KLHL1: variants seen among roughly 807,000 people sequenced by gnomAD.
KLHL1 encodes the protein kelch like family member 1, also known as kelch-like protein 1.
Under a neutral mutation model 77.7 loss-of-function variants are expected in KLHL1, and 47 were observed. That is an observed-to-expected ratio of 0.60 (90% CI 0.48 to 0.77). The LOEUF (loss-of-function observed/expected upper bound fraction) is 0.77. Among genes scored for constraint, KLHL1 ranks in the 30% least tolerant of loss-of-function variants. The probability of loss-of-function intolerance (pLI) is 0.00; values close to 1 mark genes in which losing one functional copy is unlikely to be tolerated. For missense variants in KLHL1, 925 were observed against 910.8 expected, an observed-to-expected ratio of 1.02 and a Z score of -0.20; for synonymous variants, 360 against 325.2, an observed-to-expected ratio of 1.11 and a Z score of -1.15.
chr13:70,007,750 A>G (rs1227623163), intron 1 of KLHL1, among the ~76,000 whole-genome samples: 1 of 152,006 alleles, frequency 6.6e-6, no homozygotes, highest in Non-Finnish European at 1.5e-5. Context: ...CATAAACCAT[A>G]ATTATTCACT....
intron 1 of KLHL1, among the ~76,000 whole-genome samples, chr13:70,067,596 C>T (rs1393755741): frequency 6.6e-6 from 1 of 151,830 alleles, no homozygotes; most frequent in Non-Finnish European, 1.5e-5. Flanking sequence ...GATAAAAGGG[C>T]AGGCGGTCTT....
chr13:70,070,765 C>T (rs1229897817), intron 1 of KLHL1, among the ~76,000 whole-genome samples: 3 of 152,016 alleles, frequency 2.0e-5, no homozygotes, highest in African/African-American at 7.3e-5. Context: ...AGCTAACTAA[C>T]TGATAATGAT....
chr13:69,945,580 A>G (rs910657141), intron 3 of KLHL1, among the ~76,000 whole-genome samples: 5 of 152,126 alleles, frequency 3.3e-5, no homozygotes, highest in Non-Finnish European at 5.9e-5. Flanking sequence ...TATATAAAGA[A>G]TTTTCGAACT....
Position 70,053,587 on chromosome 13 carries a change from G to T in KLHL1, c.497+53616C>A, listed in dbSNP as rs528319457. ...AAGAATTTTTAAAAAACAGTGGTAAGACATTTCTGTGATAAAAGGAATTAA... is the reference window on the plus strand; with the variant it reads ...AAGAATTTTTAAAAAACAGTGGTAATACATTTCTGTGATAAAAGGAATTAA... On this transcript the variant is annotated intron_variant, in intron 1 of 10. Coordinates refer to ENST00000377844, the MANE Select transcript of KLHL1 (RefSeq NM_020866.3). Among the ~76,000 whole-genome samples, 7 of 152,128 alleles carry T rather than the reference G, an allele frequency of 4.6e-5. No homozygotes were observed. The South Asian group carries it at 1.4e-3, about 31-fold the overall frequency.
chr13:70,047,170 G>C (rs1330330776), intron 1 of KLHL1, among the ~76,000 whole-genome samples: 1 of 150,672 alleles, frequency 6.6e-6, no homozygotes. Context: ...TGCCTACATT[G>C]AATCTTTTCA....
intron 4 of KLHL1, among the ~76,000 whole-genome samples, chr13:69,906,202 T>A (rs887950256): frequency 6.6e-6 from 1 of 152,068 alleles, no homozygotes; most frequent in Non-Finnish European, 1.5e-5. Flanking sequence ...TGGATAAGAC[T>A]GGACATTTTA....
intron 7 of KLHL1, among the ~76,000 whole-genome samples, chr13:69,747,593 A>G (rs1378950190): frequency 1.3e-5 from 2 of 152,012 alleles, no homozygotes; most frequent in Non-Finnish European, 2.9e-5. Context: ...TATAAAAAGG[A>G]AATTCATGAA....
intron 8 of KLHL1, among the ~76,000 whole-genome samples, chr13:69,734,169 G>C (rs1290831562): frequency 6.6e-6 from 1 of 152,088 alleles, no homozygotes; most frequent in Non-Finnish European, 1.5e-5. Flanking sequence ...TAATGAGTGA[G>C]TGCTCGTGAG....
intron 5 of KLHL1, among the ~76,000 whole-genome samples, chr13:69,862,181 A>G (rs1307943825): frequency 6.6e-6 from 1 of 151,928 alleles, no homozygotes; most frequent in Non-Finnish European, 1.5e-5. Context: ...TAGAGAAGCA[A>G]ATTACACATA....
chr13:69,978,037 G>T, intron 1 of KLHL1, among the ~76,000 whole-genome samples: 1 of 151,976 alleles, frequency 6.6e-6, no homozygotes, highest in East Asian at 1.9e-4. Flanking sequence ...AAATTTTGCT[G>T]TACCATATGT....
chr13:70,032,248 ATTG>A (rs1320518422), intron 1 of KLHL1, among the ~76,000 whole-genome samples: 1 of 152,202 alleles, frequency 6.6e-6, no homozygotes, highest in African/African-American at 2.4e-5. Flanking sequence ...GATACTAGTA[ATTG>A]TTGTGACAAT....
At chr13:69,789,061 A>G (rs148771762) in intron 7 of KLHL1, among the ~76,000 whole-genome samples, 3,517 of 143,452 alleles carry the variant, frequency 0.025, 135 homozygotes, top group African/African-American at 0.085. Flanking sequence ...CTATCTATCT[A>G]TCTACTTATT....
chr13:69,862,154 T>C (rs1880193839), intron 5 of KLHL1, among the ~76,000 whole-genome samples: 1 of 151,910 alleles, frequency 6.6e-6, no homozygotes, highest in African/African-American at 2.4e-5. Flanking sequence ...ATAATAAAGA[T>C]TTTGAACAAA....
chr13:70,085,503 AT>A (rs559629952), intron 1 of KLHL1, among the ~76,000 whole-genome samples: 11 of 152,162 alleles, frequency 7.2e-5, no homozygotes, highest in African/African-American at 2.4e-4. Flanking sequence ...TAAATGTTTA[AT>A]TTTTTTATAT....
intron 6 of KLHL1, among the ~76,000 whole-genome samples, chr13:69,829,828 G>T (rs1878692068): frequency 6.7e-6 from 1 of 149,996 alleles, no homozygotes; most frequent in Admixed American, 6.7e-5. Context: ...TATCGACCAA[G>T]AATTTTGTAT....
At position 69,824,483 on chromosome 13, in the gene KLHL1, C is replaced by T. The variant is rs879815726; in HGVS notation, c.1414+14493G>A. Among the ~76,000 whole-genome samples the T allele has an allele frequency of 2.2e-4, 34 of 152,136 alleles. No individual in the cohort carries two copies. The East Asian group carries it at 2.5e-3, about 11-fold the overall frequency. On this transcript the variant is annotated intron_variant, in intron 6 of 10. Coordinates refer to ENST00000377844, the MANE Select transcript of KLHL1 (RefSeq NM_020866.3). Reference sequence around the variant, plus strand: ...AAAAATACTTCTACATGACTGTTTACATCAGCTTTATTCATAATAGCTAAA... The same window carrying T: ...AAAAATACTTCTACATGACTGTTTATATCAGCTTTATTCATAATAGCTAAA...
At chr13:70,080,324 T>C (rs978182120) in intron 1 of KLHL1, among the ~76,000 whole-genome samples, 6 of 152,160 alleles carry the variant, frequency 3.9e-5, no homozygotes, top group Non-Finnish European at 8.8e-5. Flanking sequence ...CACAGGATCA[T>C]TTATACTTCC....
chr13:69,967,792 G>T (rs2501227), intron 2 of KLHL1, among the ~76,000 whole-genome samples: 94,298 of 151,342 alleles, frequency 0.62, 29,412 homozygotes, highest in South Asian at 0.65. Flanking sequence ...GGCTGAGGCA[G>T]GAGAATTGCT....
intron 8 of KLHL1, among the ~76,000 whole-genome samples, chr13:69,720,395 T>A (rs1202561053): frequency 6.6e-6 from 1 of 152,136 alleles, no homozygotes; most frequent in African/African-American, 2.4e-5. Flanking sequence ...TCACTACATA[T>A]TTTTGAATGG....
Sources: gnomAD v4.1 joint callset for allele counts (sites outside exome capture counted in the v4.1 genomes callset) on GRCh38, gnomAD v4.1.1 for gene constraint, MANE v1.5 for transcripts, NCBI Gene and HGNC (gene_info 2026-07-23, HGNC 2026-07-21) for gene names.